PNPLA7: variants seen among roughly 807,000 people sequenced by gnomAD.
The protein encoded by PNPLA7 is patatin-like phospholipase domain-containing protein 7.
PNPLA7 carries 153 observed loss-of-function variants against 161.7 expected under a neutral mutation model. The observed-to-expected ratio is 0.95, with a 90% CI of 0.83 to 1.08. PNPLA7 has a LOEUF of 1.08. Ranked by LOEUF, PNPLA7 falls within the 50% of genes least tolerant of loss-of-function variation. The pLI is 0.00. For synonymous variants in PNPLA7, 809 were observed against 782.1 expected (o/e 1.03, Z -0.57); for missense variants, 1,739 against 1,856.6 (o/e 0.94, Z 1.16).
Position 137,515,495 on chromosome 9 carries a change from G to A in PNPLA7, c.1109C>T (p.Ala370Val), listed in dbSNP as rs1834484466. ...DSDHGGGRPA[A>V]AGPLLKRSHS... The stretch of plus-strand genomic sequence containing the variant: ...GCTCCTCTTCAGCAGGGGCCCAGCA[G>A]CTGCCGGGCGGCCGCCCCCGTGATC... The change falls in exon 12 of 35, where the codon GCT becomes GTT. Residue 370 changes from alanine (A) to valine (V), a missense_variant. Ala to Val is a moderately conservative substitution (Grantham distance 64). Coordinates refer to ENST00000406427, the MANE Select transcript of PNPLA7 (RefSeq NM_001098537.3). 2 of 1,565,402 alleles carry A rather than the reference G, an allele frequency of 1.3e-6. No individual in the cohort carries two copies. Among genetic ancestry groups the A allele is most frequent in the African/African-American group, 2.7e-5 (2 of 73,566 alleles).
intron 12 of PNPLA7, among the ~76,000 whole-genome samples, chr9:137,511,479 G>A (rs1469374100): frequency 5.9e-5 from 9 of 151,306 alleles, no homozygotes; most frequent in Non-Finnish European, 8.8e-5. Context: ...GCAGACCTTG[G>A]TCTGGCGGTA....
At chr9:137,545,372 A>G (rs1232165992) in intron 4 of PNPLA7, among the ~76,000 whole-genome samples, 2 of 152,068 alleles carry the variant, frequency 1.3e-5, no homozygotes, top group Non-Finnish European at 2.9e-5. Context: ...CCTGGCAGAG[A>G]CCTCCAAGCT....
At position 137,524,767 on chromosome 9, in the gene PNPLA7, T is replaced by C. The variant is rs1302008988; in HGVS notation, c.748-1910A>G. Among the ~76,000 whole-genome samples the C allele has an allele frequency of 1.3e-5, 2 of 152,112 alleles. No homozygotes were observed. The highest frequency in any genetic ancestry group is 4.8e-5 in the African/African-American group (2 of 41,406). On this transcript the variant is annotated intron_variant, in intron 8 of 34. Transcript: ENST00000406427. The surrounding 1 kb of genome is among the most constrained non-coding windows in gnomAD (Gnocchi z 4.4). ...TCCGTGGATGCCCCGTGGAATGAGT[T>C]TCCGTGGATGCCCCGTGGAATGGGT...
In PNPLA7 at chr9:137,546,788, C is replaced by T. The variant is rs547056474; in HGVS notation, c.273+42G>A. ...GGGGTCCCTCCCACAGGGGCCTGCT[C>T]GAGGAAGCCGTGTGCAGCCTGGGGC... On this transcript the variant is annotated intron_variant, in intron 4 of 34. Coordinates refer to ENST00000406427, the MANE Select transcript of PNPLA7 (RefSeq NM_001098537.3). 33 of 1,594,766 alleles carry T rather than the reference C, an allele frequency of 2.1e-5. 1 individual carries two copies. In the Admixed American group the frequency reaches 2.7e-4, roughly 13 times the overall value.
Position 137,461,854 on chromosome 9 carries a change from T to G in PNPLA7, c.3756+77A>C, listed in dbSNP as rs1338685849. On this transcript the variant is annotated intron_variant, in intron 32 of 34. Transcript: ENST00000406427. ...GCCTGAGGAGCTGGGCGTGGCCTGATGAACTGGGCGTGGGCGTGGCCCGAA... is the reference window on the plus strand; with the variant it reads ...GCCTGAGGAGCTGGGCGTGGCCTGAGGAACTGGGCGTGGGCGTGGCCCGAA... 20 of 1,422,616 alleles carry G rather than the reference T, an allele frequency of 1.4e-5. No homozygotes were observed. In the South Asian group the frequency reaches 2.1e-4, roughly 15 times the overall value. The allele number at this position is 1,422,616 out of a possible 1,614,324, so 88.1% of individuals were successfully genotyped here. A position where few individuals can be genotyped will look rare whatever the true frequency, so the allele number is the denominator to read the frequency against.
At position 137,499,769 on chromosome 9, in the gene PNPLA7, A is replaced by G. The variant is rs1202210341; in HGVS notation, c.1757+922T>C. Among the ~76,000 whole-genome samples the G allele has an allele frequency of 6.6e-6, 1 of 152,240 alleles. No individual in the cohort carries two copies. The highest frequency in any genetic ancestry group is 2.4e-5 in the African/African-American group (1 of 41,462). ...GGCGCGGTGCCATTTGCTGGATTAC[A>G]GGCGTGAGCCGCTGCACCCAGCCGA... On this transcript the variant is annotated intron_variant, in intron 16 of 34. Transcript: ENST00000406427. This position sits in a 1 kb window ranked among gnomAD's most constrained non-coding sequence, Gnocchi z 5.5.
chr9:137,549,348 A>G (rs532611428), intron 1 of PNPLA7, among the ~76,000 whole-genome samples: 2 of 152,130 alleles, frequency 1.3e-5, no homozygotes, highest in Non-Finnish European at 2.9e-5. Context: ...CGGGCGGATC[A>G]CGAGGTCAGG....
chr9:137,521,249 T>G (rs1588671738), intron 10 of PNPLA7, among the ~76,000 whole-genome samples: 1 of 152,090 alleles, frequency 6.6e-6, no homozygotes, highest in Admixed American at 6.5e-5. Flanking sequence ...AGAACACAGG[T>G]GACCAAAGGA....
chr9:137,498,002 T>C, intron 17 of PNPLA7, 112 bp downstream of exon 17: 1 of 1,495,836 alleles, frequency 6.7e-7, no homozygotes, highest in Non-Finnish European at 9.0e-7. Context: ...CCATGTGTGG[T>C]TTCCACAGTA....
intron 20 of PNPLA7, among the ~76,000 whole-genome samples, chr9:137,489,298 T>A (rs1365057073): frequency 1.3e-5 from 2 of 152,188 alleles, no homozygotes; most frequent in African/African-American, 4.8e-5. Context: ...CAGGGTCAGT[T>A]CACGTTCAAA....
In PNPLA7 at chr9:137,542,625, G is replaced by C; in HGVS notation, c.666+17C>G. On this transcript the variant is annotated intron_variant, in intron 7 of 34. Transcript: ENST00000406427. ...ATGCGCAGCCGCCTGACCCCGCCCC[G>C]CCGCCCTGCGACTCACAGTGTCCTG... is the stretch of plus-strand genomic sequence containing the variant. 1 of 1,569,878 alleles carries C rather than the reference G, an allele frequency of 6.4e-7. No individual in the cohort carries two copies. Among genetic ancestry groups the C allele is most frequent in the African/African-American group, 1.4e-5 (1 of 73,770 alleles).
At chr9:137,462,564 G>T in intron 30 of PNPLA7, 121 bp downstream of exon 30, 1 of 1,438,128 alleles carries the variant, frequency 7.0e-7, no homozygotes, top group Non-Finnish European at 9.3e-7. Context: ...GTGGTGAGGG[G>T]TGGCCCCAGA....
chr9:137,518,362 C>T, intron 11 of PNPLA7, among the ~76,000 whole-genome samples: 1 of 99,310 alleles, frequency 1.0e-5, no homozygotes, highest in East Asian at 3.6e-4. Flanking sequence ...ATCCCCCACT[C>T]ACTCATTCCA....
At chr9:137,491,473 G>A (rs980777429) in intron 20 of PNPLA7, 18 of 984,954 alleles carry the variant, frequency 1.8e-5, no homozygotes, top group African/African-American at 1.4e-4. Flanking sequence ...CAAAACTCAC[G>A]GTGCCGGTAA....
chr9:137,516,314 G>C, intron 11 of PNPLA7: 1 of 984,098 alleles, frequency 1.0e-6, no homozygotes, highest in Non-Finnish European at 1.2e-6. Flanking sequence ...CAGGTGAAAC[G>C]AGGAAGGAGC....
chr9:137,498,016 T>G, intron 17 of PNPLA7, 98 bp downstream of exon 17: 1 of 1,525,534 alleles, frequency 6.6e-7, no homozygotes, highest in Non-Finnish European at 8.9e-7. Context: ...CACAGTAACT[T>G]CCGTGTGTGG....
Position 137,461,999 on chromosome 9 carries a change from C to A in PNPLA7, c.3688G>T (p.Gly1230Cys). The change falls in exon 32 of 35, where the codon GGC (glycine) becomes TGC (cysteine). Residue 1230 changes from glycine (G) to cysteine (C), a missense_variant. Gly to Cys is a radical substitution (Grantham distance 159, BLOSUM62 -3). Around this residue, in one of 6 missense-constraint regions of PNPLA7, gnomAD observed 703 missense variants for 694.6 expected, o/e 1.01. Coordinates refer to ENST00000406427, the MANE Select transcript of PNPLA7 (RefSeq NM_001098537.3). ...ATCTTCTCCAGCACGCCGCTGCGGC[C>A]CCAGATGTCAAACACCGTGCGCCCG... Reference protein sequence around the residue: ...QHGRTVFDIWGRSGVLEKMLR... With the variant: ...QHGRTVFDIWCRSGVLEKMLR... 6.2e-7 allele frequency: 1 copy of A among 1,603,870 alleles called. No individual in the cohort carries two copies. Among genetic ancestry groups the A allele is most frequent in the East Asian group, 2.3e-5 (1 of 44,332 alleles).
At chr9:137,480,526 C>T (rs754035679) in intron 22 of PNPLA7, 46 bp from the exon 23 acceptor site, 2 of 1,554,766 alleles carry the variant, frequency 1.3e-6, no homozygotes, top group Admixed American at 1.9e-5. Flanking sequence ...AGGGGCCTGG[C>T]ACTCTTAGCA....
Position 137,524,491 on chromosome 9 carries a change from T to A in PNPLA7, c.748-1634A>T, listed in dbSNP as rs775260159. Among the ~76,000 whole-genome samples, 1 of 152,258 alleles carries A rather than the reference T, an allele frequency of 6.6e-6. No homozygotes were observed. Among genetic ancestry groups the A allele is most frequent in the African/African-American group, 2.4e-5 (1 of 41,464 alleles). On this transcript the variant is annotated intron_variant, in intron 8 of 34. Coordinates refer to ENST00000406427, the MANE Select transcript of PNPLA7 (RefSeq NM_001098537.3). The surrounding 1 kb of genome is among the most constrained non-coding windows in gnomAD (Gnocchi z 4.4). ...CGAAGGATATTTGTGTTGTTTCCAC[T>A]GGGGACAATTCTAAATAAAGCTGCT...
Sources: allele counts gnomAD v4.1 joint callset (sites outside exome capture counted in the v4.1 genomes callset), GRCh38; gene constraint gnomAD v4.1.1; regional missense constraint gnomAD v4.1.1; non-coding constraint Gnocchi (gnomAD v3.1); transcripts MANE v1.5; gene names NCBI Gene and HGNC (gene_info 2026-07-23, HGNC 2026-07-21).